Variants in SLC24A2 observed in about 807,000 individuals in gnomAD.
SLC24A2 encodes the protein sodium/potassium/calcium exchanger 2.
A neutral mutation model predicts 62.0 loss-of-function variants in SLC24A2; 36 were observed. The observed-to-expected ratio is 0.58, with a 90% CI of 0.44 to 0.77. The LOEUF (loss-of-function observed/expected upper bound fraction) is 0.77, where lower values mean the gene tolerates loss of function less well. Ranked by LOEUF, SLC24A2 falls within the 30% of genes least tolerant of loss-of-function variation. SLC24A2 has a pLI of 0.00. For missense variants in SLC24A2, 846 were observed against 817.9 expected (o/e 1.03, Z -0.42); for synonymous variants, 358 against 294.0 (o/e 1.22, Z -2.23).
chr9:20,141,698 T>C, the SLC24A2 span, among the ~76,000 whole-genome samples: 1,953 of 152,074 alleles, frequency 0.013, 56 homozygotes, highest in African/African-American at 0.045. Context: ...GAAACGACGC[T>C]ACTGCAGGGT....
chr9:19,995,079 CT>C, the SLC24A2 span, among the ~76,000 whole-genome samples: 26 of 145,454 alleles, frequency 1.8e-4, no homozygotes, highest in South Asian at 6.5e-4. Context: ...TATCTCAGGC[CT>C]TTTTTTTTTT....
At chr9:19,704,561 T>C (rs1820453752) in intron 2 of SLC24A2, among the ~76,000 whole-genome samples, 1 of 152,222 alleles carries the variant, frequency 6.6e-6, no homozygotes, top group African/African-American at 2.4e-5. Context: ...TAAAACTATA[T>C]TTTCAATTCC....
At chr9:19,602,184 A>C (rs1437900661) in intron 4 of SLC24A2, among the ~76,000 whole-genome samples, 1 of 152,218 alleles carries the variant, frequency 6.6e-6, no homozygotes, top group Non-Finnish European at 1.5e-5. Flanking sequence ...CCTCATCTGT[A>C]AAATGGGGCT....
the SLC24A2 span, among the ~76,000 whole-genome samples, chr9:19,820,871 T>C: frequency 2.6e-5 from 4 of 152,156 alleles, no homozygotes; most frequent in Admixed American, 6.6e-5. Flanking sequence ...AAGAGCTTAG[T>C]TGTAGCATTT....
chr9:20,055,302 A>G, the SLC24A2 span, among the ~76,000 whole-genome samples: 1 of 152,244 alleles, frequency 6.6e-6, no homozygotes, highest in Non-Finnish European at 1.5e-5. Flanking sequence ...AAATTTAGGC[A>G]AAATTGAAGA....
At chr9:19,555,469 T>C (rs1259319228) in intron 7 of SLC24A2, among the ~76,000 whole-genome samples, 1 of 152,252 alleles carries the variant, frequency 6.6e-6, no homozygotes, top group African/African-American at 2.4e-5. Flanking sequence ...GTTGCGGTCT[T>C]AGTACTGTCA....
At chr9:19,675,643 C>T (rs1488608710) in intron 2 of SLC24A2, among the ~76,000 whole-genome samples, 4 of 152,080 alleles carry the variant, frequency 2.6e-5, no homozygotes, top group East Asian at 3.9e-4. Flanking sequence ...GGGGGAAAGC[C>T]GGCAGTTACA....
the SLC24A2 span, among the ~76,000 whole-genome samples, chr9:20,289,205 G>A: frequency 6.6e-6 from 1 of 152,190 alleles, no homozygotes; most frequent in South Asian, 2.1e-4. Context: ...AACTGAAACA[G>A]CATGCAAATG....
the SLC24A2 span, among the ~76,000 whole-genome samples, chr9:20,143,356 A>C: frequency 6.6e-6 from 1 of 152,226 alleles, no homozygotes; most frequent in Non-Finnish European, 1.5e-5. Context: ...AACTGAACAA[A>C]GAAACAAAAA....
At chr9:19,677,391 G>A (rs1819591421) in intron 2 of SLC24A2, among the ~76,000 whole-genome samples, 1 of 152,128 alleles carries the variant, frequency 6.6e-6, no homozygotes, top group South Asian at 2.1e-4. Flanking sequence ...GAGAACACAT[G>A]GACACAGGGA....
At chr9:19,974,709 A>G in the SLC24A2 span, among the ~76,000 whole-genome samples, 3 of 152,218 alleles carry the variant, frequency 2.0e-5, no homozygotes, top group Non-Finnish European at 4.4e-5. Context: ...GCTGTCACTT[A>G]GGTTGAATCT....
the SLC24A2 span, among the ~76,000 whole-genome samples, chr9:19,810,761 T>G: frequency 2.0e-5 from 3 of 152,168 alleles, no homozygotes; most frequent in African/African-American, 7.2e-5. Context: ...CATAATAATT[T>G]TAAAAACTAT....
the SLC24A2 span, among the ~76,000 whole-genome samples, chr9:20,061,488 T>C: frequency 7.2e-5 from 11 of 152,144 alleles, no homozygotes; most frequent in East Asian, 2.1e-3. Flanking sequence ...GGTTTCACCA[T>C]TTTGGCCAGG....
At chr9:19,999,508 T>G in the SLC24A2 span, among the ~76,000 whole-genome samples, 1 of 152,204 alleles carries the variant, frequency 6.6e-6, no homozygotes, top group Admixed American at 6.5e-5. Flanking sequence ...ACTAATGATT[T>G]ACAATAAATA....
At chr9:19,801,120 G>A in the SLC24A2 span, among the ~76,000 whole-genome samples, 2 of 152,210 alleles carry the variant, frequency 1.3e-5, no homozygotes, top group Non-Finnish European at 2.9e-5. Flanking sequence ...TTCCAAGATG[G>A]TGGCAAGCCT....
chr9:19,566,975 G>C (rs932465661), intron 7 of SLC24A2, among the ~76,000 whole-genome samples: 1 of 151,578 alleles, frequency 6.6e-6, no homozygotes, highest in Non-Finnish European at 1.5e-5. Context: ...TGGGGGAGGG[G>C]GGATGGAAAG....
chr9:20,142,077 T>C, the SLC24A2 span, among the ~76,000 whole-genome samples: 1 of 152,074 alleles, frequency 6.6e-6, no homozygotes, highest in Admixed American at 6.6e-5. Flanking sequence ...AATGAGACTC[T>C]ACTGAAATAA....
At chr9:19,941,276 C>T in the SLC24A2 span, among the ~76,000 whole-genome samples, 8 of 152,106 alleles carry the variant, frequency 5.3e-5, no homozygotes, top group African/African-American at 1.9e-4. Context: ...CAAGGCCAAC[C>T]CATCCCTTGA....
the SLC24A2 span, among the ~76,000 whole-genome samples, chr9:20,144,376 C>G: frequency 6.6e-6 from 1 of 151,858 alleles, no homozygotes; most frequent in Non-Finnish European, 1.5e-5. Flanking sequence ...AGAGCAGGGA[C>G]AGGGAAAACA....
Sources: allele counts gnomAD v4.1 joint callset (sites outside exome capture counted in the v4.1 genomes callset), GRCh38; gene constraint gnomAD v4.1.1; transcripts MANE v1.5; gene names NCBI Gene and HGNC (gene_info 2026-07-23, HGNC 2026-07-21).